The following PRICKLE2 variants were observed in gnomAD, a reference collection of about 807,000 sequenced individuals.
The protein encoded by PRICKLE2 is prickle planar cell polarity protein 2.
Under a neutral mutation model 81.4 loss-of-function variants are expected in PRICKLE2, and 21 were observed. The ratio of observed to expected loss-of-function variants is 0.26; its 90% CI spans 0.18 to 0.37. The LOEUF is 0.37. Ranked by LOEUF, PRICKLE2 falls within the 10% of genes least tolerant of loss-of-function variation. The pLI is 1.00. For missense variants in PRICKLE2, 940 were observed against 1,109.0 expected, an observed-to-expected ratio of 0.85 and a Z score of 2.16; for synonymous variants, 456 against 421.5, an observed-to-expected ratio of 1.08 and a Z score of -1.00.
intron 7 of PRICKLE2, among the ~76,000 whole-genome samples, chr3:64,108,619 T>C (rs1367758571): frequency 2.0e-5 from 3 of 152,170 alleles, no homozygotes; most frequent in South Asian, 2.1e-4. Flanking sequence ...TGGGAGCTGG[T>C]TGCAGACTCT....
intron 5 of PRICKLE2, chr3:64,153,866 C>A (rs542616157): frequency 1.2e-5 from 2 of 161,768 alleles, no homozygotes; most frequent in African/African-American, 2.4e-5. Flanking sequence ...CAATGAGTGG[C>A]AAGTTCTCCA....
rs2106934241 is a variant in PRICKLE2 at position 64,098,712 on chromosome 3, AAAGT to A, written c.*335_*338del. 2 of 287,102 alleles carry A rather than the reference AAAGT, an allele frequency of 7.0e-6. No homozygotes were observed. The highest frequency in any genetic ancestry group is 1.0e-4 in the South Asian group (2 of 19,804). The allele number at this position is 287,102 out of a possible 1,614,324, so 17.8% of individuals were successfully genotyped here. A position where few individuals can be genotyped will look rare whatever the true frequency, so the allele number is the denominator to read the frequency against. On this transcript the variant is annotated 3_prime_UTR_variant, in exon 8 of 8. Coordinates refer to ENST00000638394, the MANE Select transcript of PRICKLE2 (RefSeq NM_198859.4). Reference sequence around the variant, plus strand: ...ATTACTTACTGAAAAAAGGGTCCTAAAAGTAAGAGAACCAGAGAGGATAAAAGCG... The same window carrying A: ...ATTACTTACTGAAAAAAGGGTCCTAAAAGAGAACCAGAGAGGATAAAAGCG...
chr3:64,204,921 A>G (rs2078654682), intron 1 of PRICKLE2, among the ~76,000 whole-genome samples: 1 of 152,120 alleles, frequency 6.6e-6, no homozygotes, highest in Admixed American at 6.5e-5. Flanking sequence ...TCATTCCTGC[A>G]TCTCTCCCCC....
At chr3:64,259,768 G>C (rs1444866870) in intron 2 of PRICKLE2, among the ~76,000 whole-genome samples, 1 of 152,154 alleles carries the variant, frequency 6.6e-6, no homozygotes, top group African/African-American at 2.4e-5. Context: ...CTACTGGAGT[G>C]ATGCGGCTGT....
At chr3:64,257,855 C>G (rs984289066) in intron 2 of PRICKLE2, among the ~76,000 whole-genome samples, 1 of 152,202 alleles carries the variant, frequency 6.6e-6, no homozygotes, top group South Asian at 2.1e-4. Flanking sequence ...GAAGATGGGG[C>G]TTTTGGGAGG....
At chr3:64,174,079 C>A (rs1425841666) in intron 2 of PRICKLE2, among the ~76,000 whole-genome samples, 2 of 152,062 alleles carry the variant, frequency 1.3e-5, no homozygotes, top group Admixed American at 1.3e-4. Flanking sequence ...CTTTTTTATG[C>A]TAGTACGTTG....
intron 2 of PRICKLE2, among the ~76,000 whole-genome samples, chr3:64,265,903 A>C (rs2079699023): frequency 2.0e-5 from 3 of 152,208 alleles, no homozygotes. Flanking sequence ...GGGCTCGATA[A>C]AACTGTCTCA....
chr3:64,263,123 CT>C (rs1044954930), intron 2 of PRICKLE2, among the ~76,000 whole-genome samples: 10 of 152,176 alleles, frequency 6.6e-5, no homozygotes, highest in Non-Finnish European at 1.3e-4. Context: ...CACATGGCGC[CT>C]TTTTTTGTTT....
At chr3:64,266,903 T>C (rs2079718289) in intron 2 of PRICKLE2, among the ~76,000 whole-genome samples, 1 of 150,658 alleles carries the variant, frequency 6.6e-6, no homozygotes, top group Non-Finnish European at 1.5e-5. Context: ...CAGACTCTGC[T>C]CCAATTTTGG....
At chr3:64,263,290 G>A (rs1480625200) in intron 2 of PRICKLE2, among the ~76,000 whole-genome samples, 1 of 152,208 alleles carries the variant, frequency 6.6e-6, no homozygotes, top group Non-Finnish European at 1.5e-5. Context: ...GAAGGAGAAA[G>A]GGTCGACATG....
intron 1 of PRICKLE2, among the ~76,000 whole-genome samples, chr3:64,201,446 A>G (rs1559575415): frequency 6.6e-6 from 1 of 152,226 alleles, no homozygotes; most frequent in Non-Finnish European, 1.5e-5. Context: ...TATAGTGGGT[A>G]TAAAACAGTA....
At chr3:64,112,663 A>T (rs2076868597) in intron 7 of PRICKLE2, among the ~76,000 whole-genome samples, 1 of 152,206 alleles carries the variant, frequency 6.6e-6, no homozygotes, top group African/African-American at 2.4e-5. Flanking sequence ...TCCAAGTGGG[A>T]CCTAATTAAA....
chr3:64,219,927 A>G (rs1303415957), intron 1 of PRICKLE2, among the ~76,000 whole-genome samples: 1 of 152,204 alleles, frequency 6.6e-6, no homozygotes, highest in Non-Finnish European at 1.5e-5. Context: ...ATCTAGCTGC[A>G]TGATTGCTGT....
At chr3:64,253,880 G>C (rs1042364062) in intron 2 of PRICKLE2, among the ~76,000 whole-genome samples, 3 of 152,204 alleles carry the variant, frequency 2.0e-5, no homozygotes, top group Non-Finnish European at 2.9e-5. Flanking sequence ...AGTGTCATGA[G>C]AGGAGTTTCA....
At position 64,147,470 on chromosome 3, in the gene PRICKLE2, A is replaced by G. The variant is rs1176358755; in HGVS notation, c.1020T>C (p.Ile340=). 6.2e-7 allele frequency: 1 copy of G among 1,614,062 alleles called. No homozygotes were observed. The highest frequency in any genetic ancestry group is 1.3e-5 in the African/African-American group (1 of 74,926). ...RAKESRRSAK[I]GKNKGKTEEP... is the part of the protein sequence containing the mutation. ...CCTCCGTCTTGCCCTTGTTCTTGCCAATTTTGGCACTGCGCCGGGACTCCT... is the reference window on the plus strand; with the variant it reads ...CCTCCGTCTTGCCCTTGTTCTTGCCGATTTTGGCACTGCGCCGGGACTCCT... The change falls in exon 7 of 8, where the codon ATT becomes ATC. Residue 340 remains isoleucine, a synonymous_variant. Transcript: ENST00000638394. This position sits in a 1 kb window ranked among gnomAD's most constrained non-coding sequence, Gnocchi z 5.0.
intron 6 of PRICKLE2, among the ~76,000 whole-genome samples, chr3:64,151,397 T>C (rs780604857): frequency 6.6e-5 from 10 of 152,228 alleles, no homozygotes; most frequent in Non-Finnish European, 1.2e-4. Context: ...CCAATAAATG[T>C]GCTGGGCAGC....
chr3:64,152,102 TTTGAATACATCACTTC>T (rs1486889600), intron 6 of PRICKLE2, among the ~76,000 whole-genome samples: 1 of 152,190 alleles, frequency 6.6e-6, no homozygotes, highest in Non-Finnish European at 1.5e-5. Context: ...AATTTTTTTA[TTTGAATACATCACTTC>T]TTATGAACCA....
At chr3:64,251,425 CT>C (rs2107180463) in intron 2 of PRICKLE2, among the ~76,000 whole-genome samples, 1 of 152,242 alleles carries the variant, frequency 6.6e-6, no homozygotes, top group Non-Finnish European at 1.5e-5. Context: ...CTTACTGGTT[CT>C]TTGTCAGTGG....
At chr3:64,144,917 G>A (rs1409648115) in intron 7 of PRICKLE2, among the ~76,000 whole-genome samples, 3 of 152,010 alleles carry the variant, frequency 2.0e-5, no homozygotes, top group Non-Finnish European at 4.4e-5. Context: ...TACTAATCTC[G>A]CTGCTGATAG....
Sources: gnomAD v4.1 joint callset for allele counts (sites outside exome capture counted in the v4.1 genomes callset) on GRCh38, gnomAD v4.1.1 for gene constraint, Gnocchi (gnomAD v3.1) non-coding constraint, MANE v1.5 for transcripts, NCBI Gene and HGNC (gene_info 2026-07-23, HGNC 2026-07-21) for gene names.